The following NFKB1 variants were observed in gnomAD, a reference collection of about 807,000 sequenced individuals.
The protein encoded by NFKB1 is nuclear factor kappa B subunit 1.
In NFKB1, 9 loss-of-function variants were observed where a neutral mutation model predicts 105.1. That is an observed-to-expected ratio of 0.09 (90% CI 0.05 to 0.15). The LOEUF is 0.15. NFKB1 is among the 10% of genes least tolerant of loss of function. The pLI is 1.00. For synonymous variants in NFKB1, 440 were observed against 442.2 expected, an observed-to-expected ratio of 1.00 and a Z score of 0.06; for missense variants, 830 against 1,203.7, an observed-to-expected ratio of 0.69 and a Z score of 4.59.
At chr4:102,598,945 C>G (rs566951588) in intron 15 of NFKB1, among the ~76,000 whole-genome samples, 1 of 152,166 alleles carries the variant, frequency 6.6e-6, no homozygotes, top group African/African-American at 2.4e-5. Context: ...CCAGAGGATC[C>G]TCATAAGAGC....
intron 1 of NFKB1, among the ~76,000 whole-genome samples, chr4:102,514,464 C>T (rs935320187): frequency 2.6e-5 from 4 of 152,150 alleles, no homozygotes; most frequent in African/African-American, 7.2e-5. Context: ...CTGCCAGTTG[C>T]GGACACAGCA....
chr4:102,585,615 T>C (rs978631927), intron 11 of NFKB1, among the ~76,000 whole-genome samples: 1 of 152,206 alleles, frequency 6.6e-6, no homozygotes, highest in African/African-American at 2.4e-5. Context: ...GAAAGGGCAC[T>C]CATAGGTTTC....
chr4:102,538,960 C>T (rs963340701), intron 5 of NFKB1, among the ~76,000 whole-genome samples: 7 of 152,132 alleles, frequency 4.6e-5, no homozygotes, highest in Admixed American at 2.0e-4. Flanking sequence ...GAAATCTGGC[C>T]GGGCTCGTTG....
intron 4 of NFKB1, 198 bp from the exon 5 acceptor site, chr4:102,537,660 C>T: frequency 2.2e-6 from 1 of 448,592 alleles, no homozygotes; most frequent in Non-Finnish European, 4.1e-6. Context: ...TCTTAGTGTA[C>T]AAATATCAAT....
chr4:102,588,648 T>C (rs1234727826), intron 11 of NFKB1, among the ~76,000 whole-genome samples: 2 of 152,166 alleles, frequency 1.3e-5, no homozygotes, highest in Non-Finnish European at 2.9e-5. Context: ...ACTAGGAGAT[T>C]ATCCATATTT....
intron 15 of NFKB1, among the ~76,000 whole-genome samples, chr4:102,598,717 A>G (rs1478799413): frequency 2.6e-5 from 4 of 152,246 alleles, no homozygotes; most frequent in African/African-American, 9.6e-5. Flanking sequence ...GTTAACCAAG[A>G]CAGTACAGCA....
intron 1 of NFKB1, among the ~76,000 whole-genome samples, chr4:102,502,621 C>G (rs971668832): frequency 1.3e-5 from 2 of 152,102 alleles, no homozygotes; most frequent in African/African-American, 4.8e-5. Context: ...ATCCTAAATG[C>G]AAGTTTTTCT....
intron 1 of NFKB1, among the ~76,000 whole-genome samples, chr4:102,514,973 CTG>C (rs1270318647): frequency 6.6e-6 from 1 of 152,008 alleles, no homozygotes; most frequent in Non-Finnish European, 1.5e-5. Context: ...TACATTTAAA[CTG>C]TGTCTTTAAT....
rs191893198 is a variant in NFKB1 at position 102,538,933 on chromosome 4, C to G, written c.258+977C>G. The stretch of plus-strand genomic sequence containing the variant: ...GAAGCTCAGTAGAGCAGGCCCTCAG[C>G]AAAGTTGTGATGTAAAGAAATCTGG... On this transcript the variant is annotated intron_variant, in intron 5 of 23. Transcript: ENST00000226574. Among the ~76,000 whole-genome samples, 71 of 152,074 alleles carry G rather than the reference C, an allele frequency of 4.7e-4. No homozygotes were observed. The East Asian group carries it at 0.011, about 24-fold the overall frequency.
rs771636286 is a variant in NFKB1 at position 102,567,094 on chromosome 4, G to C, written c.366G>C (p.Gly122=). ...HSLVGKHCED[G]ICTVTAGPKD... is the part of the protein sequence containing the mutation. ...TGGTGGGAAAACACTGTGAGGATGG[G>C]ATCTGCACTGTAACTGCTGGACCCA... The change falls in exon 6 of 24, where the codon GGG becomes GGC. Residue 122 remains glycine (G), a synonymous_variant. Transcript: ENST00000226574. The C allele has an allele frequency of 1.9e-6, 3 of 1,613,942 alleles. No homozygotes were observed. Among genetic ancestry groups the C allele is most frequent in the Non-Finnish European group, 2.5e-6 (3 of 1,179,856 alleles).
intron 17 of NFKB1, 34 bp from the exon 18 acceptor site, chr4:102,607,116 C>G (rs750922202): frequency 1.2e-6 from 2 of 1,611,640 alleles, no homozygotes; most frequent in Admixed American, 3.3e-5. Context: ...GTTAGCCATC[C>G]CATCCTGTGA....
chr4:102,515,104 A>ATCT, intron 1 of NFKB1, among the ~76,000 whole-genome samples: 1 of 113,508 alleles, frequency 8.8e-6, no homozygotes, highest in Non-Finnish European at 1.8e-5. Context: ...TATTATTATT[A>ATCT]TTATTTTTTT....
chr4:102,553,538 G>A (rs1419118954), intron 5 of NFKB1, among the ~76,000 whole-genome samples: 4 of 151,756 alleles, frequency 2.6e-5, no homozygotes, highest in Non-Finnish European at 5.9e-5. Context: ...TTTTTGTTTT[G>A]GACACACTTT....
chr4:102,542,360 ATGCTCTTTT>A (rs1382062915), intron 5 of NFKB1, among the ~76,000 whole-genome samples: 1 of 152,088 alleles, frequency 6.6e-6, no homozygotes, highest in Non-Finnish European at 1.5e-5. Flanking sequence ...GCAAGTCTTC[ATGCTCTTTT>A]TTTAAAAAAA....
intron 16 of NFKB1, 53 bp from the exon 17 acceptor site, chr4:102,606,443 G>T: frequency 1.3e-6 from 2 of 1,482,202 alleles, no homozygotes; most frequent in Non-Finnish European, 1.9e-6. Flanking sequence ...GCTGTGAGTT[G>T]TAAGTAAGTA....
At chr4:102,513,629 T>C (rs1336572475) in intron 1 of NFKB1, among the ~76,000 whole-genome samples, 1 of 151,784 alleles carries the variant, frequency 6.6e-6, no homozygotes, top group African/African-American at 2.4e-5. Flanking sequence ...TTCAGGGGGG[T>C]GAGGTTATGT....
chr4:102,597,395 T>C (rs4648070), intron 14 of NFKB1, 125 bp from the exon 15 acceptor site: 4 of 1,029,168 alleles, frequency 3.9e-6, no homozygotes, highest in Non-Finnish European at 5.5e-6. Context: ...TGAAAGAACA[T>C]TTTCAACTAA....
intron 5 of NFKB1, among the ~76,000 whole-genome samples, chr4:102,556,685 C>T (rs1008491743): frequency 9.2e-5 from 14 of 152,096 alleles, no homozygotes; most frequent in Non-Finnish European, 1.5e-4. Context: ...GGTAATGGTT[C>T]AGCATTAGTA....
intron 11 of NFKB1, among the ~76,000 whole-genome samples, chr4:102,590,495 CTG>C (rs1370672825): frequency 6.6e-6 from 1 of 152,178 alleles, no homozygotes. Context: ...CTTTATGTCT[CTG>C]TGTCACATTT....
Sources: allele counts gnomAD v4.1 joint callset (sites outside exome capture counted in the v4.1 genomes callset), GRCh38; gene constraint gnomAD v4.1.1; transcripts MANE v1.5; gene names NCBI Gene and HGNC (gene_info 2026-07-23, HGNC 2026-07-21).